SLC25A46: variants seen among roughly 807,000 people sequenced by gnomAD.
SLC25A46 encodes mitochondrial outer membrane protein SLC25A46.
SLC25A46 carries 39 observed loss-of-function variants against 44.6 expected under a neutral mutation model. That is an observed-to-expected ratio of 0.87 (90% CI 0.68 to 1.14). The LOEUF (loss-of-function observed/expected upper bound fraction) is 1.14, where lower values mean the gene tolerates loss of function less well. Among genes scored for constraint, SLC25A46 ranks in the 50% most tolerant of loss-of-function variants. The pLI is 0.00. For synonymous variants in SLC25A46, 202 were observed against 185.8 expected (o/e 1.09, Z -0.71); for missense variants, 547 against 522.7 (o/e 1.05, Z -0.45).
chr5:110,760,171 G>A (rs1218540604), intron 7 of SLC25A46, among the ~76,000 whole-genome samples: 1 of 152,116 alleles, frequency 6.6e-6, no homozygotes, highest in Non-Finnish European at 1.5e-5. Flanking sequence ...CCTCTGGACA[G>A]CAACCTTGGG....
upstream of SLC25A46, among the ~76,000 whole-genome samples, chr5:110,738,469 T>G (rs1483858824): frequency 6.6e-6 from 1 of 152,208 alleles, no homozygotes; most frequent in Non-Finnish European, 1.5e-5. Flanking sequence ...ACCCCCGACG[T>G]GCACTTCAAC....
rs1240041157 is a variant in SLC25A46, at chr5:110,763,736, T to G, written c.*1954T>G. The G allele has an allele frequency of 6.6e-6, 1 of 151,852 alleles. No homozygotes were observed. The highest frequency in any genetic ancestry group is 1.9e-4 in the East Asian group (1 of 5,178). The allele number at this position is 151,852 out of a possible 1,614,324, so 9.4% of individuals were successfully genotyped here. A position where few individuals can be genotyped will look rare whatever the true frequency, so the allele number is the denominator to read the frequency against. ...TAGTTAGTTACATAAATTCATTTTA[T>G]TGTAGAATAATTATAAGACTGATAG... On this transcript the variant is annotated 3_prime_UTR_variant, in exon 8 of 8. Coordinates refer to ENST00000355943, the MANE Select transcript of SLC25A46 (RefSeq NM_138773.4).
rs1165452026 is a variant in SLC25A46, at chr5:110,739,368, TGGC to T, written c.259_261del (p.Gly87del). 1 of 1,553,086 alleles carries T rather than the reference TGGC, an allele frequency of 6.4e-7. No individual in the cohort carries two copies. ...GCCCCACGGAGGAACCCTTTTCCAG[TGGC>T]GGCGGCGGCAGTGTGCAGGGGCAGA... On this transcript the variant is annotated inframe_deletion, in exon 1 of 8. Transcript: ENST00000355943.
chr5:110,762,463 G>T lies in SLC25A46; in HGVS notation c.*681G>T, dbSNP rs147512045. The T allele has an allele frequency of 6.6e-6, 1 of 151,478 alleles. No individual in the cohort carries two copies. The highest frequency in any genetic ancestry group is 1.5e-5 in the Non-Finnish European group (1 of 67,856). 9.4% of individuals were successfully genotyped at this position (151,478 alleles called of 1,614,324 possible). A position where few individuals can be genotyped will look rare whatever the true frequency, so the allele number is the denominator to read the frequency against. On this transcript the variant is annotated 3_prime_UTR_variant, in exon 8 of 8. Transcript: ENST00000355943. ...CTTATTGCATAAAACAAAGTCACGC[G>T]CTTTCTGCTTGAACATCAAAATATC...
intron 1 of SLC25A46, 77 bp downstream of exon 1, chr5:110,739,479 G>T: frequency 6.8e-7 from 1 of 1,480,994 alleles, no homozygotes; most frequent in Non-Finnish European, 8.9e-7. Flanking sequence ...CCCGGAAGCG[G>T]CGCAGAGGAT....
At chr5:110,747,035 A>G (rs1247304724) in intron 4 of SLC25A46, among the ~76,000 whole-genome samples, 1 of 152,218 alleles carries the variant, frequency 6.6e-6, no homozygotes, top group East Asian at 1.9e-4. Flanking sequence ...TGTTTTAGCC[A>G]TGACCAAAAT....
chr5:110,742,362 C>T (rs1255473020), intron 2 of SLC25A46, among the ~76,000 whole-genome samples: 1 of 151,810 alleles, frequency 6.6e-6, no homozygotes, highest in Non-Finnish European at 1.5e-5. Flanking sequence ...TGGGTCTATC[C>T]AAAAAATAAA....
In SLC25A46 at chr5:110,761,800, T is replaced by C. The variant is rs765303080; in HGVS notation, c.*18T>C. Reference sequence around the variant, plus strand: ...ACATTTGAGATTTAGGTTCCTTCACTGAGTAGTCTGGAAGATATAATCTGG... The same window carrying C: ...ACATTTGAGATTTAGGTTCCTTCACCGAGTAGTCTGGAAGATATAATCTGG... On this transcript the variant is annotated 3_prime_UTR_variant, in exon 8 of 8. Transcript: ENST00000355943. This position sits in a 1 kb window ranked among gnomAD's most constrained non-coding sequence, Gnocchi z 5.3. 27 of 1,566,996 alleles carry C rather than the reference T, an allele frequency of 1.7e-5. No individual in the cohort carries two copies. In the East Asian group the frequency reaches 6.1e-4, roughly 35 times the overall value.
chr5:110,754,544 CCTTCCTTTTTTTTCTTT>C lies in SLC25A46; in HGVS notation c.564-917_564-901del, dbSNP rs1288846908. ...CTTCTTTCTTTCTTTTTTTTTTCTTCCTTCCTTTTTTTTCTTTCTTTTCTTGTTTTCCAAAGGTAACC... is the reference window on the plus strand; with the variant it reads ...CTTCTTTCTTTCTTTTTTTTTTCTTCCTTTTCTTGTTTTCCAAAGGTAACC... On this transcript the variant is annotated intron_variant, in intron 5 of 7. Transcript: ENST00000355943. 4.1e-5 allele frequency: 6 copies of C among 146,728 alleles called. No homozygotes were observed. The East Asian group carries it at 1.2e-3, about 29-fold the overall frequency. 9.1% of individuals were successfully genotyped at this position (146,728 alleles called of 1,614,324 possible).
At chr5:110,746,527 C>A (rs1799824718) in intron 4 of SLC25A46, among the ~76,000 whole-genome samples, 181 bp downstream of exon 4, 1 of 152,118 alleles carries the variant, frequency 6.6e-6, no homozygotes, top group Non-Finnish European at 1.5e-5. Flanking sequence ...AGCAAAAGTA[C>A]AATTTAATTT....
At chr5:110,759,789 A>T (rs1800202943) in intron 7 of SLC25A46, among the ~76,000 whole-genome samples, 1 of 152,152 alleles carries the variant, frequency 6.6e-6, no homozygotes, top group Admixed American at 6.6e-5. Context: ...GTTGCATTAA[A>T]AATAAACTGG....
chr5:110,761,248 A>G lies in SLC25A46; in HGVS notation c.723A>G (p.Lys241=). 6.2e-7 allele frequency: 1 copy of G among 1,612,804 alleles called. No individual in the cohort carries two copies. The highest frequency in any genetic ancestry group is 8.5e-7 in the Non-Finnish European group (1 of 1,179,448). The change falls in exon 8 of 8, where the codon AAA becomes AAG. Residue 241 remains lysine (K), a synonymous_variant. Coordinates refer to ENST00000355943, the MANE Select transcript of SLC25A46 (RefSeq NM_138773.4). This position sits in a 1 kb window ranked among gnomAD's most constrained non-coding sequence, Gnocchi z 5.3. The part of the protein sequence containing the change: ...RDNTGILECV[K]EGIGRVIGMG... ...ATACTGGCATTTTGGAGTGTGTTAA[A>G]GAAGGAATTGGAAGAGTGATAGGCA...
chr5:110,739,508 T>C, intron 1 of SLC25A46, 106 bp downstream of exon 1: 1 of 1,416,070 alleles, frequency 7.1e-7, no homozygotes, highest in East Asian at 2.6e-5. Context: ...CTATTCCTTC[T>C]CATCCTATCG....
rs191498918 is a variant in SLC25A46 at position 110,752,246 on chromosome 5, C to T, written c.564-3219C>T. Among the ~76,000 whole-genome samples the T allele has an allele frequency of 5.9e-5, 9 of 152,214 alleles. No homozygotes were observed. The East Asian group carries it at 1.7e-3, about 29-fold the overall frequency. On this transcript the variant is annotated intron_variant, in intron 5 of 7. Transcript: ENST00000355943. ...TTAAGTCAGCAAATTTATAATTTCT[C>T]AGTAGTATTACTTTTTAACAAATTA... is the stretch of plus-strand genomic sequence containing the variant.
At chr5:110,754,166 C>T (rs573639028) in intron 5 of SLC25A46, 69 of 152,056 alleles carry the variant, frequency 4.5e-4, no homozygotes, top group Admixed American at 1.2e-3. Flanking sequence ...TATGTATATG[C>T]TGTTGTTTTT....
At chr5:110,747,125 C>T (rs1799841950) in intron 4 of SLC25A46, among the ~76,000 whole-genome samples, 1 of 152,128 alleles carries the variant, frequency 6.6e-6, no homozygotes, top group Admixed American at 6.6e-5. Flanking sequence ...AGGAACTTAT[C>T]CCACATAGAT....
At chr5:110,744,712 C>G (rs888314306) in intron 3 of SLC25A46, among the ~76,000 whole-genome samples, 1 of 152,118 alleles carries the variant, frequency 6.6e-6, no homozygotes, top group Non-Finnish European at 1.5e-5. Flanking sequence ...AACAATCTCA[C>G]TTTGTTTATT....
In SLC25A46 at chr5:110,739,054, T is replaced by C; in HGVS notation, c.-66T>C. 2 of 1,522,136 alleles carry C rather than the reference T, an allele frequency of 1.3e-6. No homozygotes were observed. Among genetic ancestry groups the C allele is most frequent in the Non-Finnish European group, 1.8e-6 (2 of 1,141,194 alleles). 94.3% of individuals were successfully genotyped at this position (1,522,136 alleles called of 1,614,324 possible). On this transcript the variant is annotated 5_prime_UTR_variant, in exon 1 of 8. Transcript: ENST00000355943. ...GCGGCCGACGGGAAGCTGTGTGTGC[T>C]TAGGTCGTGGTGGCCCCGGTGGTGG...
Position 110,742,095 on chromosome 5 carries a change from G to A in SLC25A46, c.326+6G>A, listed in dbSNP as rs1376332022. ...TTTGGTATTGGACTTGCAAGGTAAT[G>A]TTTTATCTAAAGACGTTTACAGCTT... is the stretch of plus-strand genomic sequence containing the variant. On this transcript the variant is annotated splice_donor_region_variant and intron_variant, in intron 2 of 7. Transcript: ENST00000355943. The A allele has an allele frequency of 8.4e-6, 13 of 1,555,470 alleles. No individual in the cohort carries two copies. The highest frequency in any genetic ancestry group is 1.0e-5 in the Non-Finnish European group (12 of 1,148,852).
Sources: gnomAD v4.1 joint callset for allele counts (sites outside exome capture counted in the v4.1 genomes callset) on GRCh38, gnomAD v4.1.1 for gene constraint, Gnocchi (gnomAD v3.1) non-coding constraint, MANE v1.5 for transcripts, NCBI Gene and HGNC (gene_info 2026-07-23, HGNC 2026-07-21) for gene names.